The following KCNE5 variants were observed in gnomAD, a reference collection of about 807,000 sequenced individuals.
The protein encoded by KCNE5 is potassium voltage-gated channel subfamily E regulatory subunit 5.
For missense variants in KCNE5, 131 were observed against 132.9 expected (o/e 0.99, Z 0.07); for synonymous variants, 65 against 62.3 (o/e 1.04, Z -0.20).
chrX:109,624,674 G>A lies in KCNE5; in HGVS notation c.347C>T (p.Ala116Val), dbSNP rs72548777. ...GCGGCCCTCGGCCTGGGAGCCCGCG[G>A]CAGCCTCGGCGTCGGCGGTCAGGGC... ...GGALTADAEAAAGSQAEGRRQ... is the reference protein window; with the variant it reads ...GGALTADAEAVAGSQAEGRRQ... The change falls in exon 1 of 1, where the codon GCC becomes GTC. Residue 116 changes from alanine (A) to valine (V), a missense_variant. By Grantham distance (64) the Ala-to-Val change is moderately conservative (BLOSUM62 0). Transcript: ENST00000372101. 8.5e-7 allele frequency: 1 copy of A among 1,172,826 alleles called. No individual in the cohort carries two copies. Among genetic ancestry groups the A allele is most frequent in the East Asian group, 3.2e-5 (1 of 31,283 alleles).
Position 109,624,928 on chromosome X carries a change from A to C in KCNE5, c.93T>G (p.Ala31=). ...HHRGNASGLG[A]GPRPSMGMGV... is the part of the protein sequence containing the mutation. ...CCATGCCCATGCTGGGACGAGGGCC[A>C]GCGCCCAAGCCGCTGGCATTACCCC... Residue 31 remains alanine (A), a synonymous_variant, in exon 1 of 1, where the codon GCT becomes GCG. Transcript: ENST00000372101. 1 of 1,182,298 alleles carries C rather than the reference A, an allele frequency of 8.5e-7. No homozygotes were observed. The highest frequency in any genetic ancestry group is 1.9e-5 in the South Asian group (1 of 53,335).
Position 109,623,991 on chromosome X carries a change from C to A in KCNE5, c.*601G>T, listed in dbSNP as rs1174297816. On this transcript the variant is annotated 3_prime_UTR_variant, in exon 1 of 1. Transcript: ENST00000372101. The stretch of plus-strand genomic sequence containing the variant: ...TTTCCCTCCCCGTTGAGCACTCCTC[C>A]CCCTTCCGTCCCCCATTAAGTTCAT... 8.9e-6 allele frequency: 1 copy of A among 111,998 alleles called. No individual in the cohort carries two copies. The allele number at this position is 111,998 out of a possible 1,213,427, so 9.2% of individuals were successfully genotyped here.
Sources: allele counts gnomAD v4.1 joint callset, GRCh38; gene constraint gnomAD v4.1.1; transcripts MANE v1.5; gene names NCBI Gene and HGNC (gene_info 2026-07-23, HGNC 2026-07-21).